RNF216: variants seen among roughly 807,000 people sequenced by gnomAD.
The protein encoded by RNF216 is ring finger protein 216, also known as E3 ubiquitin-protein ligase RNF216.
Under a neutral mutation model 110.8 loss-of-function variants are expected in RNF216, and 72 were observed. The ratio of observed to expected loss-of-function variants is 0.65; its 90% CI spans 0.54 to 0.79. The LOEUF (loss-of-function observed/expected upper bound fraction) is 0.79. Among genes scored for constraint, RNF216 ranks in the 30% least tolerant of loss-of-function variants. The pLI, the probability that RNF216 is intolerant of heterozygous loss-of-function variation, is 0.00. For missense variants in RNF216, 1,342 were observed against 1,141.2 expected (o/e 1.18, Z -2.54); for synonymous variants, 495 against 407.5 (o/e 1.21, Z -2.59).
At chr7:5,746,701 C>G (rs1382079888) in intron 3 of RNF216, among the ~76,000 whole-genome samples, 1 of 152,188 alleles carries the variant, frequency 6.6e-6, no homozygotes, top group Non-Finnish European at 1.5e-5. Context: ...AATTGGAGTA[C>G]TCTGCCTTCT....
chr7:5,698,761 A>T (rs1301486975), intron 13 of RNF216, among the ~76,000 whole-genome samples: 2 of 152,162 alleles, frequency 1.3e-5, no homozygotes. Flanking sequence ...GGTCCCTACC[A>T]CTTATATAGA....
intron 15 of RNF216, among the ~76,000 whole-genome samples, chr7:5,629,566 C>T (rs554663319): frequency 6.8e-4 from 102 of 151,018 alleles, no homozygotes; most frequent in African/African-American, 2.3e-3. Context: ...CGGCGTCTTG[C>T]GCCTGTAATC....
At chr7:5,673,883 CA>C (rs1790091917) in intron 13 of RNF216, among the ~76,000 whole-genome samples, 1 of 118,986 alleles carries the variant, frequency 8.4e-6, no homozygotes, top group African/African-American at 3.6e-5. Context: ...TTTTTTGAGA[CA>C]GAGTCTTGCT....
chr7:5,725,233 G>T, intron 8 of RNF216, 91 bp downstream of exon 8: 1 of 757,608 alleles, frequency 1.3e-6, no homozygotes. Flanking sequence ...ATGCTCAGCA[G>T]ACACCTGTAG....
At chr7:5,753,294 T>C (rs764385138) in intron 2 of RNF216, among the ~76,000 whole-genome samples, 24 of 152,240 alleles carry the variant, frequency 1.6e-4, no homozygotes, top group Non-Finnish European at 2.8e-4. Flanking sequence ...AGTGAAATAA[T>C]GGTCTCCCAA....
intron 3 of RNF216, among the ~76,000 whole-genome samples, chr7:5,747,758 AAAAAAAAAAAAAAAAAAG>A (rs1795104999): frequency 7.4e-6 from 1 of 135,058 alleles, no homozygotes; most frequent in South Asian, 2.2e-4. Flanking sequence ...AAAAAAAAAA[AAAAAAAAAAAAAAAAAAG>A]GGGAAAAAAA....
intron 14 of RNF216, among the ~76,000 whole-genome samples, chr7:5,644,382 G>A (rs1787924039): frequency 6.6e-6 from 1 of 152,152 alleles, no homozygotes; most frequent in South Asian, 2.1e-4. Context: ...CCTAATAGGT[G>A]TGAAGCGGTA....
rs566149776 is a variant in RNF216 at position 5,735,975 on chromosome 7, C to A, written c.1121+3301G>T. Among the ~76,000 whole-genome samples, 14 of 152,294 alleles carry A rather than the reference C, an allele frequency of 9.2e-5. No individual in the cohort carries two copies. In the East Asian group the frequency reaches 2.7e-3, roughly 29 times the overall value. On this transcript the variant is annotated intron_variant, in intron 5 of 16. Transcript: ENST00000389902. ...AGACATGATGGCGCATGCCTGTAAT[C>A]CCAGCTACTTGGGAGGCTGAGGCAG...
chr7:5,742,895 C>G (rs911908236), intron 3 of RNF216, among the ~76,000 whole-genome samples: 5 of 151,936 alleles, frequency 3.3e-5, no homozygotes, highest in African/African-American at 1.2e-4. Flanking sequence ...CGCGCTTGGC[C>G]GATGTGTGAA....
At position 5,740,104 on chromosome 7, in the gene RNF216, C is replaced by CTTTTTTTTTTTTTTTTT. The variant is rs71004698; in HGVS notation, c.1045-769_1045-753dup. On this transcript the variant is annotated intron_variant, in intron 4 of 16. Coordinates refer to ENST00000389902, the MANE Select transcript of RNF216 (RefSeq NM_207111.4). ...AAATAGTGGCTACCAGATGTAACAC[C>CTTTTTTTTTTTTTTTTT]TTTTTTTTTTTTTTTTTTTTTTTTT... Among the ~76,000 whole-genome samples the CTTTTTTTTTTTTTTTTT allele has an allele frequency of 9.3e-5, 11 of 118,498 alleles. 1 individual carries two copies. Among genetic ancestry groups the CTTTTTTTTTTTTTTTTT allele is most frequent in the Non-Finnish European group, 1.9e-4 (11 of 57,282 alleles). 77.7% of individuals were successfully genotyped at this position (118,498 alleles called of 152,430 possible).
chr7:5,630,630 C>T (rs1787011465), intron 15 of RNF216, among the ~76,000 whole-genome samples: 1 of 152,142 alleles, frequency 6.6e-6, no homozygotes. Context: ...TGGCCTCAAG[C>T]CATCCTCCCA....
chr7:5,708,259 T>G (rs1476188042), intron 13 of RNF216, among the ~76,000 whole-genome samples: 1 of 152,230 alleles, frequency 6.6e-6, no homozygotes. Flanking sequence ...AGGTCTATAG[T>G]GTTGTTCAAG....
At chr7:5,633,800 C>G (rs993433838) in intron 15 of RNF216, among the ~76,000 whole-genome samples, 1 of 152,076 alleles carries the variant, frequency 6.6e-6, no homozygotes, top group African/African-American at 2.4e-5. Flanking sequence ...CCCGGCCTTT[C>G]CAGAAACGTG....
At chr7:5,631,466 G>A (rs1359537656) in intron 15 of RNF216, among the ~76,000 whole-genome samples, 1 of 152,208 alleles carries the variant, frequency 6.6e-6, no homozygotes, top group Non-Finnish European at 1.5e-5. Flanking sequence ...CTGGTCTCCA[G>A]TGGCCTCTGA....
chr7:5,773,729 GGTTA>G (rs1419019822), intron 1 of RNF216, among the ~76,000 whole-genome samples: 97 of 152,044 alleles, frequency 6.4e-4, no homozygotes, highest in Non-Finnish European at 1.2e-3. Flanking sequence ...CCACCATGCT[GGTTA>G]ATTTTTGTAT....
At chr7:5,713,898 G>A (rs112321285) in intron 11 of RNF216, among the ~76,000 whole-genome samples, 1,971 of 152,324 alleles carry the variant, frequency 0.013, 28 homozygotes, top group South Asian at 0.035. Flanking sequence ...GTGGCTTAAG[G>A]AATTTAAATT....
intron 1 of RNF216, among the ~76,000 whole-genome samples, chr7:5,762,317 G>A (rs1271194847): frequency 6.6e-6 from 1 of 151,998 alleles, no homozygotes; most frequent in African/African-American, 2.4e-5. Flanking sequence ...AAGGTGAGGA[G>A]TTTGAGACCA....
intron 2 of RNF216, among the ~76,000 whole-genome samples, chr7:5,754,484 A>T (rs1364692297): frequency 6.6e-6 from 1 of 151,916 alleles, no homozygotes; most frequent in Non-Finnish European, 1.5e-5. Flanking sequence ...ATTTTTAAGG[A>T]TGAGGAGTTG....
At chr7:5,730,143 C>T (rs1377279837) in intron 6 of RNF216, among the ~76,000 whole-genome samples, 1 of 152,216 alleles carries the variant, frequency 6.6e-6, no homozygotes, top group African/African-American at 2.4e-5. Context: ...AGATATTCCA[C>T]TCTGGGTAAT....
Sources: gnomAD v4.1 joint callset for allele counts (sites outside exome capture counted in the v4.1 genomes callset) on GRCh38, gnomAD v4.1.1 for gene constraint, MANE v1.5 for transcripts, NCBI Gene and HGNC (gene_info 2026-07-23, HGNC 2026-07-21) for gene names.